CTSC: variants seen among roughly 807,000 people sequenced by gnomAD.
CTSC encodes the protein cathepsin C.
CTSC carries 37 observed loss-of-function variants against 40.9 expected under a neutral mutation model. The observed-to-expected ratio is 0.91, with a 90% CI of 0.70 to 1.19. The LOEUF is 1.19. Ranked by LOEUF, CTSC falls within the 50% of genes most tolerant of loss-of-function variation. CTSC has a pLI of 0.00. For missense variants in CTSC, 594 were observed against 567.3 expected, an observed-to-expected ratio of 1.05 and a Z score of -0.48; for synonymous variants, 232 against 207.4, an observed-to-expected ratio of 1.12 and a Z score of -1.02.
At position 88,334,992 on chromosome 11, in the gene CTSC, T is replaced by C. The variant is rs142378484; in HGVS notation, c.263A>G (p.Tyr88Cys). Residue 88 changes from tyrosine to cysteine, a missense_variant, in exon 2 of 7, where the codon TAC (tyrosine) becomes TGC (cysteine). By Grantham distance (194) the Tyr-to-Cys change is radical (BLOSUM62 -2). Coordinates refer to ENST00000227266, the MANE Select transcript of CTSC (RefSeq NM_001814.6). ...LGNSGHFTII[Y>C]NQGFEIVLND... The stretch of plus-strand genomic sequence containing the variant: ...CAACACAATCTCAAAGCCTTGGTTG[T>C]AAATGATGGTGAAATGGCCAGAATT... 1.6e-4 allele frequency: 251 copies of C among 1,611,578 alleles called. No homozygotes were observed. The highest frequency in any genetic ancestry group is 3.3e-4 in the Middle Eastern group (2 of 6,060).
intron 2 of CTSC, among the ~76,000 whole-genome samples, chr11:88,328,760 T>G (rs2134815230): frequency 6.6e-6 from 1 of 152,274 alleles, no homozygotes; most frequent in Non-Finnish European, 1.5e-5. Context: ...CCCAGGTGGC[T>G]GAGACTATAG....
chr11:88,337,706 A>G lies in CTSC; in HGVS notation c.-34T>C, dbSNP rs368353432. 9.7e-6 allele frequency: 15 copies of G among 1,553,360 alleles called. No individual in the cohort carries two copies. The highest frequency in any genetic ancestry group is 1.9e-5 in the Admixed American group (1 of 51,390). ...GAGCTGAGAAAAGAGGTGAAGAATT[A>G]CCAGGAAGCCGAGCGCTGCGGGCTA... On this transcript the variant is annotated 5_prime_UTR_variant, in exon 1 of 7. Transcript: ENST00000227266.
chr11:88,324,393 G>T, intron 2 of CTSC: 1 of 983,520 alleles, frequency 1.0e-6, no homozygotes, highest in Non-Finnish European at 1.2e-6. Flanking sequence ...CTTGAAATAT[G>T]CAATTCTTTT....
chr11:88,311,035 TG>T (rs1382146116), intron 3 of CTSC, among the ~76,000 whole-genome samples: 2 of 152,228 alleles, frequency 1.3e-5, no homozygotes, highest in Non-Finnish European at 2.9e-5. Context: ...TTAAAAATAA[TG>T]TATCTTACTA....
chr11:88,319,585 CATA>C (rs1392116187), intron 2 of CTSC, among the ~76,000 whole-genome samples: 1 of 152,026 alleles, frequency 6.6e-6, no homozygotes, highest in Non-Finnish European at 1.5e-5. Context: ...GCAACAAAAT[CATA>C]ATAATGAAGA....
In CTSC at chr11:88,312,539, T is replaced by C; in HGVS notation, c.334A>G (p.Ser112Gly). The change falls in exon 3 of 7, where the codon AGC becomes GGC. Residue 112 changes from serine to glycine, a missense_variant. Ser to Gly is a moderately conservative substitution (Grantham distance 56, BLOSUM62 0). Transcript: ENST00000227266. Reference sequence around the variant, plus strand: ...TCGTTGCAGTAAGTGGTCACCTTGCTGCCCTCTTCTTTATACTGCAAACAA... The same window carrying C: ...TCGTTGCAGTAAGTGGTCACCTTGCCGCCCTCTTCTTTATACTGCAAACAA... ...FAFFKYKEEG[S>G]KVTTYCNETM... 6.2e-7 allele frequency: 1 copy of C among 1,614,194 alleles called. No homozygotes were observed. Among genetic ancestry groups the C allele is most frequent in the Non-Finnish European group, 8.5e-7 (1 of 1,180,034 alleles).
At chr11:88,316,374 C>T (rs536985437) in intron 2 of CTSC, among the ~76,000 whole-genome samples, 2 of 151,810 alleles carry the variant, frequency 1.3e-5, no homozygotes, top group Non-Finnish European at 2.9e-5. Flanking sequence ...TTTGGAACGC[C>T]GAGGTTGGGG....
At chr11:88,334,771 AAATAAAGTGG>A in intron 2 of CTSC, 156 bp downstream of exon 2, 2 of 602,198 alleles carry the variant, frequency 3.3e-6, no homozygotes, top group Non-Finnish European at 5.9e-6. Context: ...TCATAATTTT[AAATAAAGTGG>A]CAAAATTATA....
chr11:88,333,415 TAG>T (rs1385520205), intron 2 of CTSC, among the ~76,000 whole-genome samples: 2 of 152,170 alleles, frequency 1.3e-5, no homozygotes, highest in African/African-American at 4.8e-5. Context: ...GAAGAAGGGA[TAG>T]AGACAGAGGA....
At chr11:88,302,044 G>A (rs892140325) in intron 4 of CTSC, among the ~76,000 whole-genome samples, 3 of 152,054 alleles carry the variant, frequency 2.0e-5, no homozygotes, top group African/African-American at 4.8e-5. Context: ...AGCCCCCAGC[G>A]AAAACTCACT....
chr11:88,295,125 G>A (rs558261454), intron 6 of CTSC, among the ~76,000 whole-genome samples: 1 of 152,234 alleles, frequency 6.6e-6, no homozygotes, highest in Admixed American at 6.5e-5. Flanking sequence ...AGCTTCATGA[G>A]GATAAAGATT....
At chr11:88,307,326 C>T (rs979255143) in intron 4 of CTSC, among the ~76,000 whole-genome samples, 4 of 152,084 alleles carry the variant, frequency 2.6e-5, no homozygotes, top group African/African-American at 7.2e-5. Context: ...AGGACTTATC[C>T]GTGGCCATTT....
intron 2 of CTSC, among the ~76,000 whole-genome samples, chr11:88,332,823 C>G (rs1470141514): frequency 6.6e-6 from 1 of 152,116 alleles, no homozygotes; most frequent in African/African-American, 2.4e-5. Context: ...ATTGTTATTC[C>G]TAATGAAAGA....
chr11:88,304,223 T>C (rs185106917), intron 4 of CTSC, among the ~76,000 whole-genome samples: 2 of 152,318 alleles, frequency 1.3e-5, no homozygotes, highest in Admixed American at 1.3e-4. Flanking sequence ...TTAAAGTGGG[T>C]ATAATCATGC....
intron 2 of CTSC, chr11:88,328,110 A>G: frequency 6.2e-7 from 1 of 1,607,272 alleles, no homozygotes; most frequent in African/African-American, 1.3e-5. Context: ...AATGGAGCTC[A>G]CCCAGTTTGT....
chr11:88,302,777 T>G (rs1944382677), intron 4 of CTSC, among the ~76,000 whole-genome samples: 1 of 152,172 alleles, frequency 6.6e-6, no homozygotes. Flanking sequence ...GTTCACTAAT[T>G]TTTTCTCCTA....
chr11:88,296,326 A>C (rs1450375035), intron 5 of CTSC, 62 bp from the exon 6 acceptor site: 2 of 1,603,194 alleles, frequency 1.2e-6, no homozygotes, highest in African/African-American at 2.7e-5. Flanking sequence ...AGAATCATGC[A>C]AAAACCTTAG....
chr11:88,308,142 C>A (rs1009440551), intron 4 of CTSC, among the ~76,000 whole-genome samples: 2 of 152,224 alleles, frequency 1.3e-5, no homozygotes, highest in Non-Finnish European at 2.9e-5. Context: ...GCTAAGCTAA[C>A]CCATCCCCCA....
rs1445385301 is a variant in CTSC, at chr11:88,294,191, T to A, written c.1207A>T (p.Thr403Ser). 6.2e-7 allele frequency: 1 copy of A among 1,613,700 alleles called. No homozygotes were observed. The highest frequency in any genetic ancestry group is 8.5e-7 in the Non-Finnish European group (1 of 1,179,972). Reference protein sequence around the residue: ...LRDPFNPFELTNHAVLLVGYG... With the variant: ...LRDPFNPFELSNHAVLLVGYG... ...CCCACAAGCAGAACAGCATGATTAGTCAGCTCAAAGGGGTTGAAAGGGTCT... is the reference window on the plus strand; with the variant it reads ...CCCACAAGCAGAACAGCATGATTAGACAGCTCAAAGGGGTTGAAAGGGTCT... Residue 403 changes from threonine (T) to serine (S), a missense_variant, in exon 7 of 7, where the codon ACT becomes TCT. Coordinates refer to ENST00000227266, the MANE Select transcript of CTSC (RefSeq NM_001814.6).
Sources: gnomAD v4.1 joint callset for allele counts (sites outside exome capture counted in the v4.1 genomes callset) on GRCh38, gnomAD v4.1.1 for gene constraint, MANE v1.5 for transcripts, NCBI Gene and HGNC (gene_info 2026-07-23, HGNC 2026-07-21) for gene names.